Variants in CEP162 observed in about 807,000 individuals in gnomAD.
The protein encoded by CEP162 is centrosomal protein of 162 kDa.
A neutral mutation model predicts 169.2 loss-of-function variants in CEP162; 141 were observed. The ratio of observed to expected loss-of-function variants is 0.83; its 90% CI spans 0.73 to 0.96. The LOEUF (loss-of-function observed/expected upper bound fraction) is 0.96, where lower values mean the gene tolerates loss of function less well. CEP162 is among the 40% of genes least tolerant of loss of function. The probability of loss-of-function intolerance (pLI) is 0.00; values close to 1 mark genes in which losing one functional copy is unlikely to be tolerated. For synonymous variants in CEP162, 540 were observed against 526.4 expected (o/e 1.03, Z -0.35); for missense variants, 1,600 against 1,587.2 (o/e 1.01, Z -0.14).
At chr6:84,204,845 GA>G (rs891497255) in intron 6 of CEP162, among the ~76,000 whole-genome samples, 4 of 151,190 alleles carry the variant, frequency 2.6e-5, no homozygotes, top group African/African-American at 9.7e-5. Flanking sequence ...GACTAATAAA[GA>G]AGAGAGAAGA....
At chr6:84,218,317 G>T (rs909320021) in intron 3 of CEP162, among the ~76,000 whole-genome samples, 1 of 152,188 alleles carries the variant, frequency 6.6e-6, no homozygotes, top group Non-Finnish European at 1.5e-5. Flanking sequence ...GATGGTGAGC[G>T]TAAGCCTAAG....
chr6:84,157,968 T>A (rs145895372), intron 21 of CEP162, among the ~76,000 whole-genome samples: 7 of 152,304 alleles, frequency 4.6e-5, no homozygotes, highest in African/African-American at 1.7e-4. Context: ...TAACATTTAA[T>A]GAAGTCTTCA....
intron 25 of CEP162, among the ~76,000 whole-genome samples, chr6:84,135,303 A>G (rs2099513528): frequency 6.6e-6 from 1 of 152,218 alleles, no homozygotes; most frequent in Admixed American, 6.5e-5. Context: ...TTATTACTTT[A>G]CTAAAGTAAA....
chr6:84,142,395 C>A (rs1307773396), intron 25 of CEP162, among the ~76,000 whole-genome samples: 2 of 152,128 alleles, frequency 1.3e-5, no homozygotes, highest in Non-Finnish European at 2.9e-5. Context: ...TGTTTATGTA[C>A]ATCTATGTGT....
At chr6:84,151,142 G>A (rs1200155654) in intron 23 of CEP162, among the ~76,000 whole-genome samples, 1 of 152,122 alleles carries the variant, frequency 6.6e-6, no homozygotes, top group Non-Finnish European at 1.5e-5. Flanking sequence ...TTAGAATAGT[G>A]ATGAGACTTG....
intron 6 of CEP162, among the ~76,000 whole-genome samples, chr6:84,208,384 A>T (rs2099548127): frequency 6.6e-6 from 1 of 152,212 alleles, no homozygotes; most frequent in Non-Finnish European, 1.5e-5. Flanking sequence ...AACAAACATG[A>T]TCTAATTTGT....
intron 13 of CEP162, among the ~76,000 whole-genome samples, chr6:84,183,376 G>A (rs997987551): frequency 5.9e-5 from 9 of 151,962 alleles, no homozygotes; most frequent in Admixed American, 2.0e-4. Context: ...CTGGCTTTTG[G>A]TTCCTTGAAC....
chr6:84,168,164 T>C (rs1031217984), intron 18 of CEP162, among the ~76,000 whole-genome samples: 1 of 152,214 alleles, frequency 6.6e-6, no homozygotes, highest in African/African-American at 2.4e-5. Flanking sequence ...CTAATGCTAA[T>C]GCTATGCTTG....
chr6:84,144,227 A>G (rs9449803), intron 25 of CEP162, among the ~76,000 whole-genome samples: 36,081 of 151,962 alleles, frequency 0.24, 9,802 homozygotes, highest in African/African-American at 0.67. Flanking sequence ...TAAATTGTAC[A>G]GGAATCATTG....
At chr6:84,219,253 G>T in intron 3 of CEP162, 1 of 856,430 alleles carries the variant, frequency 1.2e-6, no homozygotes, top group Non-Finnish European at 1.7e-6. Flanking sequence ...GTAACCGTTT[G>T]CTTGAATCAG....
intron 25 of CEP162, among the ~76,000 whole-genome samples, chr6:84,145,979 T>C (rs1198138157): frequency 1.3e-5 from 2 of 152,154 alleles, no homozygotes; most frequent in African/African-American, 4.8e-5. Flanking sequence ...GGCCTAACTT[T>C]GATGAGAGCT....
chr6:84,188,550 A>G (rs1192375710), intron 11 of CEP162, among the ~76,000 whole-genome samples: 1 of 152,166 alleles, frequency 6.6e-6, no homozygotes, highest in Non-Finnish European at 1.5e-5. Context: ...TGTTGGTGCA[A>G]AGAACGTGAC....
intron 25 of CEP162, among the ~76,000 whole-genome samples, chr6:84,130,547 T>A (rs2129184383): frequency 6.6e-6 from 1 of 152,316 alleles, no homozygotes; most frequent in Middle Eastern, 3.4e-3. Context: ...TTGTTATTGG[T>A]CTATTCAGGG....
chr6:84,197,135 C>T (rs1432460047), intron 9 of CEP162, among the ~76,000 whole-genome samples: 3 of 151,716 alleles, frequency 2.0e-5, no homozygotes, highest in Non-Finnish European at 4.4e-5. Context: ...GTATCAAATG[C>T]TCATACCTAA....
chr6:84,219,866 A>C (rs180887379), intron 3 of CEP162, among the ~76,000 whole-genome samples: 68 of 152,320 alleles, frequency 4.5e-4, no homozygotes, highest in Admixed American at 2.6e-3. Context: ...ACAATGTGTA[A>C]GTGTTACTAT....
chr6:84,180,825 A>C (rs568882431), intron 13 of CEP162, among the ~76,000 whole-genome samples: 7 of 152,328 alleles, frequency 4.6e-5, no homozygotes, highest in East Asian at 1.9e-4. Flanking sequence ...ACTACAAAAC[A>C]CTGCTCAACG....
Position 84,125,109 on chromosome 6 carries a change from T to C in CEP162, c.4173A>G (p.Pro1391=). Residue 1391 remains proline, a synonymous_variant, in exon 27 of 27, where the codon CCA becomes CCG. Transcript: ENST00000403245. ...RELHRQGVVV[P]VAFADEMNAP... is the part of the protein sequence containing the mutation. Reference sequence around the variant, plus strand: ...CATTCATTTCATCTGCAAAAGCAACTGGCACAACCACTCCTTGCCGGTGCA... The same window carrying C: ...CATTCATTTCATCTGCAAAAGCAACCGGCACAACCACTCCTTGCCGGTGCA... 1.2e-6 allele frequency: 2 copies of C among 1,613,228 alleles called. No individual in the cohort carries two copies. The highest frequency in any genetic ancestry group is 1.7e-4 in the Middle Eastern group (1 of 6,056).
chr6:84,154,314 ATCTATCTATCTATCTATCTG>A (rs1490232478), intron 22 of CEP162, among the ~76,000 whole-genome samples: 1 of 137,236 alleles, frequency 7.3e-6, no homozygotes, highest in African/African-American at 3.5e-5. Flanking sequence ...TATCAGGGAT[ATCTATCTATCTATCTATCTG>A]TCTGTCTGTC....
At chr6:84,131,418 G>C (rs949727349) in intron 25 of CEP162, among the ~76,000 whole-genome samples, 3 of 152,084 alleles carry the variant, frequency 2.0e-5, no homozygotes, top group South Asian at 2.1e-4. Flanking sequence ...TTTCTGTCTC[G>C]TTGATCTGTC....
Sources: allele counts gnomAD v4.1 joint callset (sites outside exome capture counted in the v4.1 genomes callset), GRCh38; gene constraint gnomAD v4.1.1; transcripts MANE v1.5; gene names NCBI Gene and HGNC (gene_info 2026-07-23, HGNC 2026-07-21).